UNC5B: variants seen among roughly 807,000 people sequenced by gnomAD.
UNC5B encodes netrin receptor UNC5B.
Under a neutral mutation model 103.7 loss-of-function variants are expected in UNC5B, and 56 were observed. The ratio of observed to expected loss-of-function variants is 0.54; its 90% CI spans 0.44 to 0.67. The LOEUF is 0.67. UNC5B is among the 30% of genes least tolerant of loss of function. UNC5B has a pLI of 0.00. For missense variants in UNC5B, 1,194 were observed against 1,284.5 expected (o/e 0.93, Z 1.08); for synonymous variants, 577 against 542.0 (o/e 1.06, Z -0.90).
intron 1 of UNC5B, among the ~76,000 whole-genome samples, chr10:71,254,952 A>C (rs978129467): frequency 6.6e-6 from 1 of 152,130 alleles, no homozygotes; most frequent in African/African-American, 2.4e-5. Context: ...AATCACCCTT[A>C]ATCCCACCCA....
intron 1 of UNC5B, among the ~76,000 whole-genome samples, chr10:71,225,513 G>A (rs185201504): frequency 2.0e-5 from 3 of 152,326 alleles, no homozygotes; most frequent in East Asian, 3.9e-4. Flanking sequence ...GAGCGGAGGA[G>A]GCCCGGGTGC....
In UNC5B at chr10:71,299,082, G is replaced by C. The variant is rs764684168; in HGVS notation, c.2673-30G>C. 2.5e-6 allele frequency: 4 copies of C among 1,612,794 alleles called. No homozygotes were observed. In the East Asian group the frequency reaches 8.9e-5, roughly 36 times the overall value. On this transcript the variant is annotated intron_variant, in intron 16 of 16. Coordinates refer to ENST00000335350, the MANE Select transcript of UNC5B (RefSeq NM_170744.5). ...CTCCGGGGAGGGGCTAAGTGCTTGG[G>C]AACCTCAGTGCCCTCCTTCCCTCTG...
chr10:71,259,365 G>A (rs958099719), intron 1 of UNC5B, among the ~76,000 whole-genome samples: 6 of 144,566 alleles, frequency 4.2e-5, no homozygotes, highest in African/African-American at 7.8e-5. Flanking sequence ...TAGCCTGGGT[G>A]ATATAGCGAG....
intron 8 of UNC5B, 81 bp from the exon 9 acceptor site, chr10:71,290,834 C>T (rs992441828): frequency 2.0e-6 from 3 of 1,489,578 alleles, no homozygotes; most frequent in Non-Finnish European, 2.7e-6. Flanking sequence ...GGGCCCTGCC[C>T]TTTCCAGGGA....
At chr10:71,248,288 G>A (rs16928557) in intron 1 of UNC5B, among the ~76,000 whole-genome samples, 2,200 of 152,210 alleles carry the variant, frequency 0.014, 207 homozygotes, top group Admixed American at 0.13. Flanking sequence ...GGCCTTGGCA[G>A]CACTTTCCCA....
chr10:71,228,993 C>T (rs1046684015), intron 1 of UNC5B, among the ~76,000 whole-genome samples: 1 of 152,204 alleles, frequency 6.6e-6, no homozygotes. Context: ...GGGACTGGGC[C>T]TTATCCCCTG....
At chr10:71,289,169 A>G (rs1227866554) in intron 8 of UNC5B, among the ~76,000 whole-genome samples, 179 bp downstream of exon 8, 1 of 152,190 alleles carries the variant, frequency 6.6e-6, no homozygotes. Context: ...CAGACAGGCA[A>G]ACCCTTGGCT....
intron 1 of UNC5B, among the ~76,000 whole-genome samples, chr10:71,229,472 C>T (rs1843639300): frequency 6.6e-6 from 1 of 152,242 alleles, no homozygotes; most frequent in African/African-American, 2.4e-5. Flanking sequence ...CCCCTGGATC[C>T]TGAGGAGCCT....
Position 71,292,542 on chromosome 10 carries a change from C to T in UNC5B, c.1760C>T (p.Ala587Val). The T allele has an allele frequency of 6.2e-7, 1 of 1,603,128 alleles. No homozygotes were observed. The change falls in exon 11 of 17, where the codon GCA (alanine) becomes GTA (valine). Residue 587 changes from alanine (A) to valine (V), a missense_variant. Transcript: ENST00000335350. ...FYEMYLLINKAESTLPLSEGT... is the reference protein window; with the variant it reads ...FYEMYLLINKVESTLPLSEGT... ...GAGATGTATCTACTCATCAACAAGG[C>T]AGAAAGTACCCTGTGAGTAGAGCCC... is the stretch of plus-strand genomic sequence containing the variant.
intron 1 of UNC5B, among the ~76,000 whole-genome samples, chr10:71,245,678 C>T (rs899534211): frequency 6.6e-6 from 1 of 152,218 alleles, no homozygotes; most frequent in African/African-American, 2.4e-5. Context: ...TAGGTTTGGG[C>T]CAGTCCTAGA....
chr10:71,260,296 AC>A (rs1844386898), intron 1 of UNC5B, among the ~76,000 whole-genome samples: 2 of 152,176 alleles, frequency 1.3e-5, no homozygotes, highest in African/African-American at 4.8e-5. Context: ...GTGCTCGGGG[AC>A]CGCCTTTCCC....
At chr10:71,293,649 G>A (rs1161234624) in intron 12 of UNC5B, 51 bp from the exon 13 acceptor site, 1 of 1,606,396 alleles carries the variant, frequency 6.2e-7, no homozygotes, top group East Asian at 2.2e-5. Flanking sequence ...TTTTCCTCTG[G>A]CCCAGCCTGA....
intron 16 of UNC5B, among the ~76,000 whole-genome samples, chr10:71,298,434 G>A (rs1240748261): frequency 1.3e-5 from 2 of 152,164 alleles, no homozygotes; most frequent in African/African-American, 2.4e-5. Context: ...TCAGCACCTG[G>A]TATCTAGGAC....
intron 2 of UNC5B, among the ~76,000 whole-genome samples, chr10:71,284,106 G>A (rs995535344): frequency 7.2e-5 from 11 of 152,312 alleles, no homozygotes; most frequent in Admixed American, 7.2e-4. Flanking sequence ...CTGCATAGAC[G>A]AACTTCCGGG....
chr10:71,256,986 A>G (rs551466554), intron 1 of UNC5B, among the ~76,000 whole-genome samples: 2 of 152,336 alleles, frequency 1.3e-5, no homozygotes, highest in South Asian at 4.1e-4. Flanking sequence ...GGAAGACGAC[A>G]GTCATGGTCA....
intron 1 of UNC5B, among the ~76,000 whole-genome samples, chr10:71,222,595 T>C (rs1420441400): frequency 6.6e-6 from 1 of 152,146 alleles, no homozygotes; most frequent in African/African-American, 2.4e-5. Context: ...CCTGTGCATC[T>C]CTGGGCAGAA....
At chr10:71,234,445 G>A (rs1178643040) in intron 1 of UNC5B, among the ~76,000 whole-genome samples, 1 of 152,190 alleles carries the variant, frequency 6.6e-6, no homozygotes, top group African/African-American at 2.4e-5. Flanking sequence ...CTATGAAAAG[G>A]ACCTTCACCA....
chr10:71,267,223 A>G (rs1447864389), intron 1 of UNC5B, among the ~76,000 whole-genome samples: 1 of 152,194 alleles, frequency 6.6e-6, no homozygotes, highest in Non-Finnish European at 1.5e-5. Flanking sequence ...CCCATTTCTC[A>G]GAAAGGAAAA....
intron 1 of UNC5B, among the ~76,000 whole-genome samples, chr10:71,229,925 G>A (rs530750115): frequency 4.6e-5 from 7 of 152,232 alleles, no homozygotes; most frequent in Admixed American, 1.3e-4. Flanking sequence ...CACAGAGCGC[G>A]GCATGCAGAA....
Sources: gnomAD v4.1 joint callset for allele counts (sites outside exome capture counted in the v4.1 genomes callset) on GRCh38, gnomAD v4.1.1 for gene constraint, MANE v1.5 for transcripts, NCBI Gene and HGNC (gene_info 2026-07-23, HGNC 2026-07-21) for gene names.